Variants in GABRA1 observed in about 807,000 individuals in gnomAD.
GABRA1 encodes gamma-aminobutyric acid type A receptor subunit alpha1.
In GABRA1, 9 loss-of-function variants were observed where a neutral mutation model predicts 48.9. The ratio of observed to expected loss-of-function variants is 0.18; its 90% CI spans 0.11 to 0.32. GABRA1 has a LOEUF of 0.32. GABRA1 is among the 10% of genes least tolerant of loss of function. The probability of loss-of-function intolerance (pLI) is 1.00; values close to 1 mark genes in which losing one functional copy is unlikely to be tolerated. For synonymous variants in GABRA1, 210 were observed against 198.7 expected (o/e 1.06, Z -0.48); for missense variants, 285 against 553.8 (o/e 0.51, Z 4.87).
chr5:161,895,911 T>C (rs918885784), intron 9 of GABRA1, 43 bp downstream of exon 9: 2 of 1,502,740 alleles, frequency 1.3e-6, no homozygotes, highest in Non-Finnish European at 1.9e-6. Context: ...ATATTATGTC[T>C]CTTTAAACCT....
At chr5:161,888,256 G>GT (rs1754936859) in intron 7 of GABRA1, among the ~76,000 whole-genome samples, 1 of 151,934 alleles carries the variant, frequency 6.6e-6, no homozygotes, top group South Asian at 2.1e-4. Flanking sequence ...TTGGTTTTTT[G>GT]TTTTTGTTGT....
rs893145458 is a variant in GABRA1, at chr5:161,898,687, T to A, written c.*1265T>A. The A allele has an allele frequency of 2.6e-5, 4 of 152,530 alleles. No homozygotes were observed. The highest frequency in any genetic ancestry group is 9.7e-5 in the African/African-American group (4 of 41,442). 9.4% of individuals were successfully genotyped at this position (152,530 alleles called of 1,614,324 possible). ...AGTGATCAGTTGCTCTCTGTTCAAG[T>A]CATTCCACACATTTCCCTATTTTAG... On this transcript the variant is annotated 3_prime_UTR_variant, in exon 10 of 10. Coordinates refer to ENST00000393943, the MANE Select transcript of GABRA1 (RefSeq NM_001127644.2).
At chr5:161,867,103 A>C (rs893269162) in intron 4 of GABRA1, among the ~76,000 whole-genome samples, 1 of 152,158 alleles carries the variant, frequency 6.6e-6, no homozygotes, top group African/African-American at 2.4e-5. Context: ...CATACTTGTG[A>C]ATGTATGCAT....
chr5:161,896,553 GT>G (rs1248402077), intron 9 of GABRA1, among the ~76,000 whole-genome samples: 1 of 152,138 alleles, frequency 6.6e-6, no homozygotes, highest in Non-Finnish European at 1.5e-5. Context: ...AAGAACAAGC[GT>G]GACAAAATGC....
intron 3 of GABRA1, among the ~76,000 whole-genome samples, chr5:161,864,168 G>C (rs2113348167): frequency 6.6e-6 from 1 of 151,892 alleles, no homozygotes; most frequent in South Asian, 2.1e-4. Flanking sequence ...CTACATCAAG[G>C]GGCTCATTTA....
At chr5:161,892,906 A>T (rs2113453548) in intron 8 of GABRA1, among the ~76,000 whole-genome samples, 1 of 151,840 alleles carries the variant, frequency 6.6e-6, no homozygotes, top group South Asian at 2.1e-4. Context: ...CGGGAGGCTG[A>T]GGCAGGAGAA....
intron 4 of GABRA1, among the ~76,000 whole-genome samples, chr5:161,870,316 C>A (rs1469016665): frequency 6.6e-6 from 1 of 152,106 alleles, no homozygotes; most frequent in Non-Finnish European, 1.5e-5. Context: ...AATCCCAGCA[C>A]TTTGGGAGGC....
At chr5:161,857,797 T>A (rs911836361) in intron 3 of GABRA1, among the ~76,000 whole-genome samples, 1 of 151,532 alleles carries the variant, frequency 6.6e-6, no homozygotes, top group African/African-American at 2.4e-5. Context: ...TATCAGTAAT[T>A]ACTGGATTCA....
At position 161,890,871 on chromosome 5, in the gene GABRA1, A is replaced by G. The variant is rs778529966; in HGVS notation, c.704-27A>G. ...ACCTTTTTCTAAAGTCAAATTGCTC[A>G]TCTTTCTTGTGTGTTTTACTTCTCA... On this transcript the variant is annotated intron_variant, in intron 7 of 9. Transcript: ENST00000393943. 18 of 1,610,246 alleles carry G rather than the reference A, an allele frequency of 1.1e-5. No homozygotes were observed. In the East Asian group the frequency reaches 3.3e-4, roughly 30 times the overall value.
chr5:161,869,099 A>AT (rs1291537405), intron 4 of GABRA1, among the ~76,000 whole-genome samples: 1 of 152,208 alleles, frequency 6.6e-6, no homozygotes, highest in Non-Finnish European at 1.5e-5. Context: ...TTATAGGAGA[A>AT]TTGTGTACAA....
At chr5:161,869,822 G>T (rs188450982) in intron 4 of GABRA1, among the ~76,000 whole-genome samples, 2 of 152,130 alleles carry the variant, frequency 1.3e-5, no homozygotes, top group African/African-American at 4.8e-5. Flanking sequence ...TTTAGGAGAG[G>T]TTTACCTTTG....
At chr5:161,895,533 C>T in intron 8 of GABRA1, 133 bp from the exon 9 acceptor site, 1 of 822,728 alleles carries the variant, frequency 1.2e-6, no homozygotes, top group Non-Finnish European at 2.0e-6. Context: ...AATTCTAAAC[C>T]AAAATAAGAT....
upstream of GABRA1, chr5:161,848,091 A>G (rs1306393334): frequency 1.3e-5 from 2 of 152,232 alleles, no homozygotes; most frequent in Non-Finnish European, 2.9e-5. Context: ...CCTTTCTAAA[A>G]TAAAATCTCT....
rs950863693 is a variant in GABRA1 at position 161,865,645 on chromosome 5, G to A, written c.188-76G>A. The A allele has an allele frequency of 1.5e-5, 17 of 1,114,066 alleles. No homozygotes were observed. In the African/African-American group the frequency reaches 2.6e-4, roughly 17 times the overall value. The allele number at this position is 1,114,066 out of a possible 1,614,324, so 69.0% of individuals were successfully genotyped here. On this transcript the variant is annotated intron_variant, in intron 3 of 9. Coordinates refer to ENST00000393943, the MANE Select transcript of GABRA1 (RefSeq NM_001127644.2). ...TCAAAGACAATCAATTTCCCATTTGGGTGTCAGTATGTGGTGGTGAGATCT... is the reference window on the plus strand; with the variant it reads ...TCAAAGACAATCAATTTCCCATTTGAGTGTCAGTATGTGGTGGTGAGATCT...
In GABRA1 at chr5:161,882,709, C is replaced by A. The variant is rs376693195; in HGVS notation, c.703+8C>A. 3.8e-5 allele frequency: 61 copies of A among 1,612,134 alleles called. No individual in the cohort carries two copies. The African/African-American group carries it at 7.2e-4, about 19-fold the overall frequency. On this transcript the variant is annotated splice_region_variant and intron_variant, in intron 7 of 9. Transcript: ENST00000393943. ...TTGTCCAGTCAAGTACAGGTAAGTA[C>A]GATTTTGTTACTTCAGTTATGGAGG...
chr5:161,891,569 T>G (rs1222618656), intron 8 of GABRA1, among the ~76,000 whole-genome samples: 1 of 152,156 alleles, frequency 6.6e-6, no homozygotes, highest in Non-Finnish European at 1.5e-5. Flanking sequence ...TTTTTTCTAT[T>G]ACAATATTTT....
At chr5:161,889,442 A>G (rs1344271058) in intron 7 of GABRA1, among the ~76,000 whole-genome samples, 3 of 152,072 alleles carry the variant, frequency 2.0e-5, no homozygotes, top group Non-Finnish European at 4.4e-5. Flanking sequence ...TTTTGAAGTC[A>G]AATTCATTTG....
chr5:161,894,698 G>A (rs1755279395), intron 8 of GABRA1, among the ~76,000 whole-genome samples: 1 of 145,722 alleles, frequency 6.9e-6, no homozygotes. Context: ...GAACCTGACA[G>A]CATTATACTT....
Position 161,898,493 on chromosome 5 carries a change from A to G in GABRA1, c.*1071A>G, listed in dbSNP as rs987431727. On this transcript the variant is annotated 3_prime_UTR_variant, in exon 10 of 10. Transcript: ENST00000393943. The stretch of plus-strand genomic sequence containing the variant: ...TGTGTTCTTAAAATATTGTGTAAGA[A>G]TCACTGCACTTAGCTGTTGGAATGT... 1 of 152,440 alleles carries G rather than the reference A, an allele frequency of 6.6e-6. No individual in the cohort carries two copies. Among genetic ancestry groups the G allele is most frequent in the African/African-American group, 2.4e-5 (1 of 41,464 alleles). 9.4% of individuals were successfully genotyped at this position (152,440 alleles called of 1,614,324 possible). A position where few individuals can be genotyped will look rare whatever the true frequency, so the allele number is the denominator to read the frequency against.
Sources: allele counts gnomAD v4.1 joint callset (sites outside exome capture counted in the v4.1 genomes callset), GRCh38; gene constraint gnomAD v4.1.1; transcripts MANE v1.5; gene names NCBI Gene and HGNC (gene_info 2026-07-23, HGNC 2026-07-21).